Variants in ZNF793 observed in about 807,000 individuals in gnomAD.
ZNF793 encodes the protein zinc finger protein 793.
ZNF793 carries 5 observed loss-of-function variants against 12.4 expected under a neutral mutation model. The observed-to-expected ratio is 0.40, with a 90% CI of 0.21 to 0.84. ZNF793 has a LOEUF of 0.84. ZNF793 is among the 40% of genes least tolerant of loss of function. ZNF793 has a pLI of 0.35. For synonymous variants in ZNF793, 162 were observed against 172.4 expected, an observed-to-expected ratio of 0.94 and a Z score of 0.47; for missense variants, 456 against 495.0, an observed-to-expected ratio of 0.92 and a Z score of 0.75.
chr19:37,514,581 GA>G (rs1389076162), intron 2 of ZNF793, among the ~76,000 whole-genome samples: 1 of 54,200 alleles, frequency 1.8e-5, no homozygotes, highest in Non-Finnish European at 3.3e-5. Flanking sequence ...TAGACAGATA[GA>G]TAGATAGATA....
chr19:37,510,092 G>A (rs1283711972), intron 2 of ZNF793, among the ~76,000 whole-genome samples: 1 of 152,120 alleles, frequency 6.6e-6, no homozygotes, highest in Non-Finnish European at 1.5e-5. Flanking sequence ...CAGGCACAGT[G>A]GCTTACACCT....
intron 5 of ZNF793, among the ~76,000 whole-genome samples, chr19:37,529,208 T>C (rs1843032313): frequency 6.6e-6 from 1 of 152,218 alleles, no homozygotes; most frequent in South Asian, 2.1e-4. Context: ...TTTATGGGCA[T>C]ATGTTTTGGT....
intron 2 of ZNF793, among the ~76,000 whole-genome samples, chr19:37,509,609 T>C (rs2042277333): frequency 7.0e-6 from 1 of 143,254 alleles, no homozygotes. Context: ...CTGCTTAGCA[T>C]GGGTGAAATA....
At chr19:37,527,577 T>G (rs1284442409) in intron 5 of ZNF793, among the ~76,000 whole-genome samples, 1 of 152,178 alleles carries the variant, frequency 6.6e-6, no homozygotes, top group Non-Finnish European at 1.5e-5. Context: ...CTAAATAGTT[T>G]TCCCAGGGTA....
At position 37,539,240 on chromosome 19, in the gene ZNF793, A is replaced by G. The variant is rs2042535714; in HGVS notation, c.*1361A>G. On this transcript the variant is annotated 3_prime_UTR_variant, in exon 8 of 8. Transcript: ENST00000627814. ...AAAATGTAGTGTCACCCTGGTGTAC[A>G]GTACACTGTTCATATTTTCTTAGTC... The G allele has an allele frequency of 6.6e-6, 1 of 152,242 alleles. No individual in the cohort carries two copies. The allele number at this position is 152,242 out of a possible 1,614,324, so 9.4% of individuals were successfully genotyped here.
rs763412578 is a variant in ZNF793 at position 37,533,312 on chromosome 19, T to C, written c.147T>C (p.Tyr49=). 2 of 1,613,902 alleles carry C rather than the reference T, an allele frequency of 1.2e-6. No individual in the cohort carries two copies. The change falls in exon 7 of 8, where the codon TAT becomes TAC. Residue 49 remains tyrosine (Y), a synonymous_variant. Coordinates refer to ENST00000627814, the MANE Select transcript of ZNF793 (RefSeq NM_001013659.3). The part of the protein sequence containing the change: ...ETYSNLVSVG[Y]EGTKPDVILR... ...GCATCAATTTCCCCGGAACAGGTTA[T>C]GAAGGCACCAAACCAGATGTGATCC...
chr19:37,512,536 T>C (rs771465745), intron 2 of ZNF793, among the ~76,000 whole-genome samples: 64 of 151,314 alleles, frequency 4.2e-4, no homozygotes, highest in Non-Finnish European at 7.2e-4. Context: ...ATACTAACAA[T>C]AATAATAATA....
chr19:37,509,630 G>A (rs2042277668), intron 2 of ZNF793, among the ~76,000 whole-genome samples: 2 of 152,106 alleles, frequency 1.3e-5, no homozygotes, highest in South Asian at 2.1e-4. Flanking sequence ...ATAAGCCAGG[G>A]TAAGGAGTTT....
chr19:37,537,480 G>A lies in ZNF793; in HGVS notation c.822G>A (p.Gln274=), dbSNP rs1202835057. 2 of 1,613,890 alleles carry A rather than the reference G, an allele frequency of 1.2e-6. No homozygotes were observed. The highest frequency in any genetic ancestry group is 1.7e-6 in the Non-Finnish European group (2 of 1,179,930). ...FSHKSTLIKH[Q]RIHTGVRPFE... Reference sequence around the variant, plus strand: ...ATAAGTCAACCCTCATCAAACACCAGAGAATTCACACTGGGGTAAGACCCT... The same window carrying A: ...ATAAGTCAACCCTCATCAAACACCAAAGAATTCACACTGGGGTAAGACCCT... The change falls in exon 8 of 8, where the codon CAG becomes CAA. Residue 274 remains glutamine (Q), a synonymous_variant. Transcript: ENST00000627814.
At position 37,540,188 on chromosome 19, in the gene ZNF793, G is replaced by A. The variant is rs1053331606; in HGVS notation, c.*2309G>A. 2 of 143,284 alleles carry A rather than the reference G, an allele frequency of 1.4e-5. No homozygotes were observed. Among genetic ancestry groups the A allele is most frequent in the Non-Finnish European group, 3.0e-5 (2 of 67,024 alleles). The allele number at this position is 143,284 out of a possible 1,614,324, so 8.9% of individuals were successfully genotyped here. A position where few individuals can be genotyped will look rare whatever the true frequency, so the allele number is the denominator to read the frequency against. On this transcript the variant is annotated 3_prime_UTR_variant, in exon 8 of 8. Transcript: ENST00000627814. ...GGTTGAGGCATGAGGCAGGAGAATTGCTTGTACCCAGGAGGTAGAGGTTGC... is the reference window on the plus strand; with the variant it reads ...GGTTGAGGCATGAGGCAGGAGAATTACTTGTACCCAGGAGGTAGAGGTTGC...
rs574501695 is a variant in ZNF793, at chr19:37,528,660, T to C, written c.16-3696T>C. ...ACCCATGGGTCTCCCTCAGTGACTG[T>C]CCTGCTCCTTCACAACTTATGCTGG... On this transcript the variant is annotated intron_variant, in intron 5 of 7. Coordinates refer to ENST00000627814, the MANE Select transcript of ZNF793 (RefSeq NM_001013659.3). Among the ~76,000 whole-genome samples the C allele has an allele frequency of 3.9e-5, 6 of 152,240 alleles. No individual in the cohort carries two copies. The South Asian group carries it at 1.2e-3, about 32-fold the overall frequency.
At chr19:37,512,275 G>C (rs1162179770) in intron 2 of ZNF793, among the ~76,000 whole-genome samples, 2 of 152,104 alleles carry the variant, frequency 1.3e-5, no homozygotes, top group African/African-American at 4.8e-5. Context: ...CCAGCACTTT[G>C]GGAGGCCGAG....
rs1453443783 is a variant in ZNF793, at chr19:37,541,190, T to C, written c.*3311T>C. 1 of 94 alleles carries C rather than the reference T, an allele frequency of 0.011. No individual in the cohort carries two copies. The highest frequency in any genetic ancestry group is 0.042 in the African/African-American group (1 of 24). 0.0% of individuals were successfully genotyped at this position (94 alleles called of 1,614,324 possible). A position where few individuals can be genotyped will look rare whatever the true frequency, so the allele number is the denominator to read the frequency against. The stretch of plus-strand genomic sequence containing the variant: ...AGAGTAGTTTACTTAAAAAGAATTC[T>C]GGAACAGAACCTTTTAATCTTAAAG... On this transcript the variant is annotated 3_prime_UTR_variant, in exon 8 of 8. Transcript: ENST00000627814.
At chr19:37,509,362 A>C (rs571713547) in intron 2 of ZNF793, among the ~76,000 whole-genome samples, 5 of 152,370 alleles carry the variant, frequency 3.3e-5, no homozygotes, top group African/African-American at 1.2e-4. Context: ...TTAGAAAATA[A>C]GATTTTGACC....
At chr19:37,530,820 T>C (rs1226404673) in intron 5 of ZNF793, among the ~76,000 whole-genome samples, 1 of 152,172 alleles carries the variant, frequency 6.6e-6, no homozygotes, top group Non-Finnish European at 1.5e-5. Context: ...ATTATTGGTA[T>C]GGTTGGATTT....
chr19:37,513,866 T>C (rs781503648), intron 2 of ZNF793, among the ~76,000 whole-genome samples: 10 of 152,184 alleles, frequency 6.6e-5, no homozygotes, highest in Non-Finnish European at 1.3e-4. Context: ...TGTGATTGAT[T>C]TTCTGTAGTT....
Position 37,537,137 on chromosome 19 carries a change from C to CA in ZNF793, c.485dup (p.Gln163AlafsTer3). On this transcript the variant is annotated frameshift_variant, in exon 8 of 8. Coordinates refer to ENST00000627814, the MANE Select transcript of ZNF793 (RefSeq NM_001013659.3). LOFTEE classifies it low-confidence loss of function (END_TRUNC). ...TTGATTGGTTTTAAGAGAAACTGTG[C>CA]AAAAAAGCAAGATGAGTGTTATGCT... 6.2e-7 allele frequency: 1 copy of CA among 1,613,132 alleles called. No individual in the cohort carries two copies.
chr19:37,533,448 C>G (rs767967235), intron 7 of ZNF793, 45 bp downstream of exon 7: 1 of 1,554,610 alleles, frequency 6.4e-7, no homozygotes, highest in Admixed American at 1.7e-5. Context: ...AGGAGGCTGG[C>G]ACCTTTGGAA....
chr19:37,514,587 T>C (rs190350917), intron 2 of ZNF793, among the ~76,000 whole-genome samples: 3 of 83,746 alleles, frequency 3.6e-5, no homozygotes, highest in African/African-American at 7.4e-5. Flanking sequence ...GATAGATAGA[T>C]AGATAGATAG....
Sources: allele counts gnomAD v4.1 joint callset (sites outside exome capture counted in the v4.1 genomes callset), GRCh38; gene constraint gnomAD v4.1.1; transcripts MANE v1.5; gene names NCBI Gene and HGNC (gene_info 2026-07-23, HGNC 2026-07-21).